PHC3: variants seen among roughly 807,000 people sequenced by gnomAD.
The protein encoded by PHC3 is polyhomeotic-like protein 3.
PHC3 carries 13 observed loss-of-function variants against 107.4 expected under a neutral mutation model. The observed-to-expected ratio is 0.12, with a 90% CI of 0.08 to 0.19. The LOEUF (loss-of-function observed/expected upper bound fraction) is 0.19, where lower values mean the gene tolerates loss of function less well. Among genes scored for constraint, PHC3 ranks in the 10% least tolerant of loss-of-function variants. The pLI is 1.00. For missense variants in PHC3, 992 were observed against 1,210.9 expected (o/e 0.82, Z 2.68); for synonymous variants, 456 against 427.4 (o/e 1.07, Z -0.83).
chr3:170,126,551 CT>C (rs1338491614), intron 8 of PHC3, among the ~76,000 whole-genome samples: 1 of 57,612 alleles, frequency 1.7e-5, no homozygotes. Flanking sequence ...TTTCCTTTTT[CT>C]TTTTTTTGAG....
chr3:170,124,934 C>A (rs1374787948), intron 8 of PHC3, among the ~76,000 whole-genome samples: 3 of 152,054 alleles, frequency 2.0e-5, no homozygotes, highest in Non-Finnish European at 4.4e-5. Context: ...AAATAAAAAT[C>A]TTTCCAAGGC....
At chr3:170,113,662 T>C in intron 10 of PHC3, 143 bp from the exon 11 acceptor site, 2 of 720,644 alleles carry the variant, frequency 2.8e-6, no homozygotes, top group Non-Finnish European at 2.2e-6. Context: ...AAGTGCCTTA[T>C]TCCTTGGGAA....
chr3:170,134,418 G>A (rs1341306509), intron 7 of PHC3, among the ~76,000 whole-genome samples: 1 of 151,990 alleles, frequency 6.6e-6, no homozygotes, highest in African/African-American at 2.4e-5. Flanking sequence ...TAGAACTCCC[G>A]ACCTGAGGTG....
intron 14 of PHC3, among the ~76,000 whole-genome samples, chr3:170,100,584 T>C (rs1040008810): frequency 1.3e-5 from 2 of 152,220 alleles, no homozygotes; most frequent in Non-Finnish European, 2.9e-5. Context: ...GTCCTTTTTA[T>C]GATATATAAT....
intron 2 of PHC3, among the ~76,000 whole-genome samples, chr3:170,175,416 G>C (rs1253046560): frequency 2.0e-5 from 3 of 151,646 alleles, no homozygotes; most frequent in Non-Finnish European, 2.9e-5. Flanking sequence ...GGCAGGAGGA[G>C]AGCTTAAAGC....
intron 6 of PHC3, among the ~76,000 whole-genome samples, chr3:170,140,928 C>A (rs1723993811): frequency 6.6e-6 from 1 of 152,018 alleles, no homozygotes; most frequent in South Asian, 2.1e-4. Flanking sequence ...CCTATAACAT[C>A]TTTCCAAAAA....
chr3:170,122,823 A>C (rs998665932), intron 8 of PHC3, 79 bp from the exon 9 acceptor site: 2 of 1,488,914 alleles, frequency 1.3e-6, no homozygotes, highest in African/African-American at 2.8e-5. Context: ...AGAAAATTAA[A>C]TTCTATGTGT....
At chr3:170,146,446 A>G (rs1724962080) in intron 5 of PHC3, among the ~76,000 whole-genome samples, 1 of 151,786 alleles carries the variant, frequency 6.6e-6, no homozygotes, top group Non-Finnish European at 1.5e-5. Flanking sequence ...GTTCAACAAC[A>G]AAAGAGCCTG....
chr3:170,144,608 TGA>T (rs1724659215), intron 6 of PHC3, among the ~76,000 whole-genome samples: 1 of 152,222 alleles, frequency 6.6e-6, no homozygotes, highest in Non-Finnish European at 1.5e-5. Flanking sequence ...CAGCAATGTA[TGA>T]GAGTCTGGAT....
intron 8 of PHC3, among the ~76,000 whole-genome samples, chr3:170,123,305 T>C (rs1720699128): frequency 6.6e-6 from 1 of 151,738 alleles, no homozygotes; most frequent in Admixed American, 6.6e-5. Flanking sequence ...AACAATCTAA[T>C]GACTCTTTAT....
intron 8 of PHC3, among the ~76,000 whole-genome samples, chr3:170,127,428 A>G (rs1195014370): frequency 6.6e-6 from 1 of 152,160 alleles, no homozygotes; most frequent in East Asian, 1.9e-4. Flanking sequence ...CAGCTTCCCA[A>G]AGTGCTGGGA....
At chr3:170,135,337 G>C (rs529997203) in intron 7 of PHC3, among the ~76,000 whole-genome samples, 1 of 152,030 alleles carries the variant, frequency 6.6e-6, no homozygotes, top group Non-Finnish European at 1.5e-5. Context: ...TTTTAGTAGA[G>C]ATGGGTTTTC....
intron 4 of PHC3, chr3:170,169,679 A>G (rs1007740998): frequency 1.2e-4 from 18 of 152,260 alleles, no homozygotes; most frequent in African/African-American, 4.3e-4. Flanking sequence ...CTAGAATTCT[A>G]ACTTCTGTGA....
At chr3:170,122,502 T>C (rs775164657) in intron 9 of PHC3, 89 bp downstream of exon 9, 10 of 1,379,494 alleles carry the variant, frequency 7.2e-6, no homozygotes, top group South Asian at 1.2e-5. Flanking sequence ...ACAAAAAGGG[T>C]GAAAGGAGGA....
intron 4 of PHC3, among the ~76,000 whole-genome samples, chr3:170,167,655 G>A (rs2108725842): frequency 6.6e-6 from 1 of 151,390 alleles, no homozygotes; most frequent in East Asian, 2.0e-4. Context: ...AGCTGCCTGG[G>A]AGGCTGAGGC....
chr3:170,122,395 G>A (rs1331491765), intron 9 of PHC3, among the ~76,000 whole-genome samples, 196 bp downstream of exon 9: 1 of 152,122 alleles, frequency 6.6e-6, no homozygotes, highest in Non-Finnish European at 1.5e-5. Context: ...CTAAAGGCCA[G>A]TAGTTCAAGA....
intron 9 of PHC3, among the ~76,000 whole-genome samples, chr3:170,117,732 G>T (rs143892669): frequency 0.012 from 1,846 of 151,820 alleles, 40 homozygotes; most frequent in African/African-American, 0.042. Context: ...GCACAATGGC[G>T]CATGCCTGTA....
At chr3:170,116,111 G>T (rs139374307) in intron 10 of PHC3, among the ~76,000 whole-genome samples, 2 of 152,186 alleles carry the variant, frequency 1.3e-5, no homozygotes, top group Non-Finnish European at 2.9e-5. Context: ...GCTTCAAGTT[G>T]TAAGACCTGT....
chr3:170,089,155 ACT>A lies in PHC3; in HGVS notation c.*8073_*8074del, dbSNP rs1268736432. 2 of 152,222 alleles carry A rather than the reference ACT, an allele frequency of 1.3e-5. No homozygotes were observed. The highest frequency in any genetic ancestry group is 1.9e-4 in the East Asian group (1 of 5,200). 9.4% of individuals were successfully genotyped at this position (152,222 alleles called of 1,614,324 possible). A position where few individuals can be genotyped will look rare whatever the true frequency, so the allele number is the denominator to read the frequency against. On this transcript the variant is annotated 3_prime_UTR_variant, in exon 15 of 15. Coordinates refer to ENST00000495893, the MANE Select transcript of PHC3 (RefSeq NM_024947.4). Reference sequence around the variant, plus strand: ...GCACTCAAGCCTGGGTGACAGTGAGACTCTGTCTCAAAACAAACAAAACAAAA... The same window carrying A: ...GCACTCAAGCCTGGGTGACAGTGAGACTGTCTCAAAACAAACAAAACAAAA...
Sources: gnomAD v4.1 joint callset for allele counts (sites outside exome capture counted in the v4.1 genomes callset) on GRCh38, gnomAD v4.1.1 for gene constraint, MANE v1.5 for transcripts, NCBI Gene and HGNC (gene_info 2026-07-23, HGNC 2026-07-21) for gene names.